NFIB: variants seen among roughly 807,000 people sequenced by gnomAD.
The protein encoded by NFIB is nuclear factor 1 B-type.
NFIB carries 11 observed loss-of-function variants against 61.5 expected under a neutral mutation model. The ratio of observed to expected loss-of-function variants is 0.18; its 90% CI spans 0.11 to 0.30. NFIB has a LOEUF of 0.30. NFIB is among the 10% of genes least tolerant of loss of function. The pLI is 1.00. For synonymous variants in NFIB, 260 were observed against 216.5 expected, an observed-to-expected ratio of 1.20 and a Z score of -1.76; for missense variants, 471 against 608.9, an observed-to-expected ratio of 0.77 and a Z score of 2.38.
At chr9:14,375,332 G>T (rs2061405346) in intron 1 of NFIB, among the ~76,000 whole-genome samples, 1 of 152,174 alleles carries the variant, frequency 6.6e-6, no homozygotes, top group African/African-American at 2.4e-5. Flanking sequence ...TCCTAGCTTA[G>T]TTAGTTCCTT....
intron 1 of NFIB, among the ~76,000 whole-genome samples, chr9:14,378,777 A>C (rs509609): frequency 6.6e-6 from 1 of 152,164 alleles, no homozygotes; most frequent in Non-Finnish European, 1.5e-5. Flanking sequence ...TGAGGTAAGC[A>C]TAGGACCGTG....
intron 10 of NFIB, among the ~76,000 whole-genome samples, chr9:14,111,334 G>T (rs1316551001): frequency 6.6e-6 from 1 of 152,170 alleles, no homozygotes; most frequent in African/African-American, 2.4e-5. Flanking sequence ...AATTAAAGCT[G>T]CCATAGGTTA....
intron 2 of NFIB, among the ~76,000 whole-genome samples, chr9:14,207,100 A>C (rs1409636166): frequency 6.6e-6 from 1 of 152,198 alleles, no homozygotes; most frequent in Non-Finnish European, 1.5e-5. Flanking sequence ...CGGTATCCAT[A>C]GATTTCGTCC....
the NFIB span, among the ~76,000 whole-genome samples, chr9:14,467,865 G>A: frequency 6.6e-6 from 1 of 152,124 alleles, no homozygotes; most frequent in Non-Finnish European, 1.5e-5. Context: ...CCATTTTACA[G>A]ATGAAAAAAC....
chr9:14,308,687 G>A (rs1273890612), intron 1 of NFIB, among the ~76,000 whole-genome samples: 2 of 152,068 alleles, frequency 1.3e-5, no homozygotes, highest in South Asian at 2.1e-4. Flanking sequence ...AGAACTGTGG[G>A]TGCATATATG....
At chr9:14,192,153 A>C (rs1488292502) in intron 2 of NFIB, among the ~76,000 whole-genome samples, 3 of 152,204 alleles carry the variant, frequency 2.0e-5, no homozygotes, top group South Asian at 2.1e-4. Context: ...GATTGCTTCT[A>C]ATCAGACAAG....
At chr9:14,326,878 T>A (rs922169572) in intron 1 of NFIB, among the ~76,000 whole-genome samples, 2 of 152,092 alleles carry the variant, frequency 1.3e-5, no homozygotes, top group African/African-American at 4.8e-5. Flanking sequence ...TTTTAAGACT[T>A]ATAAAAATAC....
At chr9:14,465,487 G>C in the NFIB span, among the ~76,000 whole-genome samples, 2 of 152,026 alleles carry the variant, frequency 1.3e-5, no homozygotes, top group East Asian at 3.9e-4. Context: ...ACAACATAGA[G>C]AGAAGAAAAT....
At chr9:14,221,528 T>C (rs2051675738) in intron 2 of NFIB, among the ~76,000 whole-genome samples, 1 of 152,150 alleles carries the variant, frequency 6.6e-6, no homozygotes, top group South Asian at 2.1e-4. Flanking sequence ...ACAGCTCAAG[T>C]ATATAAGACC....
At chr9:14,353,446 G>C (rs1383573378) in intron 1 of NFIB, among the ~76,000 whole-genome samples, 1 of 152,142 alleles carries the variant, frequency 6.6e-6, no homozygotes, top group Admixed American at 6.5e-5. Context: ...GGAGCTCCTG[G>C]AGAGGGGTCT....
At chr9:14,425,583 T>G in the NFIB span, among the ~76,000 whole-genome samples, 2 of 151,644 alleles carry the variant, frequency 1.3e-5, no homozygotes. Flanking sequence ...TTTAGTGTGA[T>G]TGAAATTTCA....
chr9:14,417,135 C>A, the NFIB span, among the ~76,000 whole-genome samples: 2 of 151,624 alleles, frequency 1.3e-5, no homozygotes, highest in Non-Finnish European at 2.9e-5. Context: ...TCGTGATCTG[C>A]CTGCCTCAGC....
intron 9 of NFIB, among the ~76,000 whole-genome samples, chr9:14,113,723 T>C (rs1415411511): frequency 6.6e-6 from 1 of 152,178 alleles, no homozygotes; most frequent in Admixed American, 6.5e-5. Flanking sequence ...TAAGCACACA[T>C]ACAAAAATCA....
chr9:14,231,132 AAAAATATATAT>A (rs1270752436), intron 2 of NFIB, among the ~76,000 whole-genome samples: 13 of 93,206 alleles, frequency 1.4e-4, no homozygotes, highest in East Asian at 1.5e-3. Context: ...AAAAAAAAAA[AAAAATATATAT>A]ATATATATAT....
At chr9:14,137,714 T>C (rs188707863) in intron 6 of NFIB, among the ~76,000 whole-genome samples, 85 of 152,288 alleles carry the variant, frequency 5.6e-4, no homozygotes, top group Non-Finnish European at 9.4e-4. Flanking sequence ...ATATGTATGA[T>C]AATAAATATA....
At chr9:14,403,574 T>C (rs755780810), upstream of NFIB, among the ~76,000 whole-genome samples, 40 of 150,402 alleles carry the variant, frequency 2.7e-4, no homozygotes, top group Non-Finnish European at 4.7e-4. Context: ...AAAGAGCTCA[T>C]TGAACATATA....
chr9:14,358,661 C>T (rs1246960949), intron 1 of NFIB, among the ~76,000 whole-genome samples: 4 of 152,316 alleles, frequency 2.6e-5, no homozygotes, highest in South Asian at 2.1e-4. Context: ...AGAAACCACA[C>T]ACCCTATTTC....
intron 1 of NFIB, among the ~76,000 whole-genome samples, chr9:14,324,128 A>G (rs937159257): frequency 6.6e-6 from 1 of 152,176 alleles, no homozygotes; most frequent in Non-Finnish European, 1.5e-5. Flanking sequence ...TTAATTTTTA[A>G]TGTTTATCTT....
upstream of NFIB, among the ~76,000 whole-genome samples, chr9:14,318,965 C>G (rs937296561): frequency 6.6e-6 from 1 of 152,114 alleles, no homozygotes; most frequent in Non-Finnish European, 1.5e-5. Context: ...CAGCCCTTAA[C>G]GTACTACTGT....
Sources: gnomAD v4.1 joint callset for allele counts (sites outside exome capture counted in the v4.1 genomes callset) on GRCh38, gnomAD v4.1.1 for gene constraint, MANE v1.5 for transcripts, NCBI Gene and HGNC (gene_info 2026-07-23, HGNC 2026-07-21) for gene names.